The following STX8 variants were observed in gnomAD, a reference collection of about 807,000 sequenced individuals.
The protein encoded by STX8 is syntaxin 8.
A neutral mutation model predicts 37.5 loss-of-function variants in STX8; 23 were observed. That is an observed-to-expected ratio of 0.61 (90% CI 0.44 to 0.87). The LOEUF is 0.87. STX8 is among the 40% of genes least tolerant of loss of function. The pLI, the probability that STX8 is intolerant of heterozygous loss-of-function variation, is 0.00. For synonymous variants in STX8, 115 were observed against 99.1 expected (o/e 1.16, Z -0.95); for missense variants, 313 against 284.7 (o/e 1.10, Z -0.71).
At position 9,343,804 on chromosome 17, in the gene STX8, C is replaced by T. The variant is rs549346226; in HGVS notation, c.643+34748G>A. 6.6e-5 allele frequency among the ~76,000 whole-genome samples: 10 copies of T among 152,154 alleles called. No homozygotes were observed. The South Asian group carries it at 1.9e-3, about 28-fold the overall frequency. Reference sequence around the variant, plus strand: ...GCCGGATAGGGCCTCCCTTCTGCTGCGAAGCTTCCACTCCTGTAGTGTTCT... The same window carrying T: ...GCCGGATAGGGCCTCCCTTCTGCTGTGAAGCTTCCACTCCTGTAGTGTTCT... On this transcript the variant is annotated intron_variant, in intron 7 of 7. Coordinates refer to ENST00000306357, the MANE Select transcript of STX8 (RefSeq NM_004853.3).
intron 7 of STX8, among the ~76,000 whole-genome samples, chr17:9,311,364 T>G (rs989088557): frequency 2.0e-5 from 3 of 151,910 alleles, no homozygotes; most frequent in African/African-American, 7.3e-5. Flanking sequence ...GAATTGAGAT[T>G]CAAATGAGAA....
chr17:9,363,590 G>A (rs1386008620), intron 7 of STX8, among the ~76,000 whole-genome samples: 1 of 152,086 alleles, frequency 6.6e-6, no homozygotes, highest in African/African-American at 2.4e-5. Context: ...TGAATTAATT[G>A]GTAAGCAAAC....
chr17:9,530,124 A>G (rs200985496), intron 4 of STX8, among the ~76,000 whole-genome samples: 4 of 152,030 alleles, frequency 2.6e-5, no homozygotes, highest in Non-Finnish European at 5.9e-5. Flanking sequence ...TGGCTAACAC[A>G]GTGAAACCCC....
At chr17:9,516,743 G>T (rs2142516883) in intron 4 of STX8, among the ~76,000 whole-genome samples, 1 of 152,194 alleles carries the variant, frequency 6.6e-6, no homozygotes, top group East Asian at 1.9e-4. Flanking sequence ...CATAATTCTT[G>T]CTTTCAAGGA....
chr17:9,446,403 A>G (rs571453140), intron 6 of STX8, among the ~76,000 whole-genome samples: 1 of 152,338 alleles, frequency 6.6e-6, no homozygotes, highest in Non-Finnish European at 1.5e-5. Context: ...ATGAAGAAAT[A>G]CAAACATAAC....
chr17:9,425,093 T>C (rs994351755), intron 6 of STX8, among the ~76,000 whole-genome samples: 7 of 152,198 alleles, frequency 4.6e-5, no homozygotes, highest in African/African-American at 1.4e-4. Flanking sequence ...GAGGCCACAG[T>C]TTCTGACTAA....
At chr17:9,407,189 T>C (rs868439140) in intron 6 of STX8, among the ~76,000 whole-genome samples, 2 of 152,142 alleles carry the variant, frequency 1.3e-5, no homozygotes, top group African/African-American at 2.4e-5. Flanking sequence ...ACTATATTTT[T>C]AATATATGTG....
chr17:9,338,730 C>T (rs1279595615), intron 7 of STX8, among the ~76,000 whole-genome samples: 1 of 152,162 alleles, frequency 6.6e-6, no homozygotes, highest in Non-Finnish European at 1.5e-5. Context: ...AGGCCCAAGA[C>T]CCCCTGAATC....
At chr17:9,547,108 C>T (rs1220121590) in intron 3 of STX8, among the ~76,000 whole-genome samples, 1 of 151,352 alleles carries the variant, frequency 6.6e-6, no homozygotes, top group Admixed American at 6.6e-5. Flanking sequence ...ACTAGCCAGG[C>T]GTGGTGGCGT....
intron 7 of STX8, among the ~76,000 whole-genome samples, chr17:9,366,141 T>C (rs1911223342): frequency 6.6e-6 from 1 of 152,236 alleles, no homozygotes. Flanking sequence ...ACAGGCTATG[T>C]CTTAGAGAAA....
chr17:9,270,348 C>G (rs552854610), intron 7 of STX8, among the ~76,000 whole-genome samples: 1 of 152,120 alleles, frequency 6.6e-6, no homozygotes, highest in Admixed American at 6.5e-5. Flanking sequence ...CCTGGGTTCA[C>G]GCCATTCTCC....
intron 7 of STX8, among the ~76,000 whole-genome samples, chr17:9,372,147 A>G (rs1228714043): frequency 6.6e-6 from 1 of 152,184 alleles, no homozygotes; most frequent in Non-Finnish European, 1.5e-5. Context: ...TACCCTGAGT[A>G]TGTATGTCCA....
intron 3 of STX8, chr17:9,555,645 C>T (rs1423257482): frequency 6.6e-6 from 1 of 152,164 alleles, no homozygotes; most frequent in Admixed American, 6.5e-5. Context: ...GCCTGTAATC[C>T]CACCACTTTG....
intron 6 of STX8, among the ~76,000 whole-genome samples, chr17:9,403,667 G>A (rs933023725): frequency 2.6e-5 from 4 of 151,490 alleles, no homozygotes; most frequent in African/African-American, 9.7e-5. Context: ...TTTCCCCTGA[G>A]ATGGAGTCTC....
intron 7 of STX8, among the ~76,000 whole-genome samples, chr17:9,352,150 TAA>T (rs551344446): frequency 1.4e-4 from 16 of 111,088 alleles, no homozygotes; most frequent in Non-Finnish European, 1.5e-4. Context: ...AGATCCTGCC[TAA>T]AAAAAAAAAA....
At chr17:9,364,734 A>C (rs962340107) in intron 7 of STX8, among the ~76,000 whole-genome samples, 131 of 152,112 alleles carry the variant, frequency 8.6e-4, no homozygotes, top group African/African-American at 2.9e-3. Context: ...GGGTTCCACC[A>C]TGGTGGCCAG....
intron 3 of STX8, chr17:9,554,763 G>C (rs752379267): frequency 6.6e-6 from 1 of 152,236 alleles, no homozygotes; most frequent in East Asian, 1.9e-4. Context: ...AAATTATCTG[G>C]GCGCAGTGGC....
intron 7 of STX8, among the ~76,000 whole-genome samples, chr17:9,298,528 C>T (rs534153867): frequency 1.1e-3 from 168 of 152,116 alleles, no homozygotes; most frequent in Non-Finnish European, 1.9e-3. Context: ...CCAAAAAAAC[C>T]GGGCCAGCCA....
At chr17:9,572,420 T>C (rs574891954) in intron 1 of STX8, among the ~76,000 whole-genome samples, 1 of 152,284 alleles carries the variant, frequency 6.6e-6, no homozygotes, top group Admixed American at 6.5e-5. Context: ...TTTGTTTTGT[T>C]TTGTTTTGAC....
Sources: allele counts gnomAD v4.1 joint callset (sites outside exome capture counted in the v4.1 genomes callset), GRCh38; gene constraint gnomAD v4.1.1; transcripts MANE v1.5; gene names NCBI Gene and HGNC (gene_info 2026-07-23, HGNC 2026-07-21).